Variants in CDH4 observed in about 807,000 individuals in gnomAD.
CDH4 encodes cadherin-4.
CDH4 carries 33 observed loss-of-function variants against 86.0 expected under a neutral mutation model. That is an observed-to-expected ratio of 0.38 (90% CI 0.29 to 0.51). The LOEUF is 0.51. Among genes scored for constraint, CDH4 ranks in the 20% least tolerant of loss-of-function variants. The pLI is 0.86. For missense variants in CDH4, 1,114 were observed against 1,307.4 expected, an observed-to-expected ratio of 0.85 and a Z score of 2.28; for synonymous variants, 555 against 549.4, an observed-to-expected ratio of 1.01 and a Z score of -0.14.
At chr20:61,694,803 C>T (rs2087698726) in intron 2 of CDH4, among the ~76,000 whole-genome samples, 1 of 152,204 alleles carries the variant, frequency 6.6e-6, no homozygotes, top group Admixed American at 6.5e-5. Flanking sequence ...GTTTTCTCCT[C>T]TGCACGGGAG....
chr20:61,912,913 C>T (rs993917031), intron 9 of CDH4, among the ~76,000 whole-genome samples: 6 of 152,200 alleles, frequency 3.9e-5, no homozygotes, highest in South Asian at 2.1e-4. Flanking sequence ...CAAGGTGAAT[C>T]GTCAGCTGCT....
chr20:61,254,980 CT>C, intron 2 of CDH4, 43 bp downstream of exon 2: 1 of 1,141,742 alleles, frequency 8.8e-7, no homozygotes, highest in Non-Finnish European at 1.3e-6. Flanking sequence ...TGCTGCCATG[CT>C]TTTCCTTGGG....
At chr20:61,617,893 A>G (rs1181289588) in intron 2 of CDH4, among the ~76,000 whole-genome samples, 2 of 152,196 alleles carry the variant, frequency 1.3e-5, no homozygotes, top group African/African-American at 4.8e-5. Context: ...TAATTGAATC[A>G]TGGAGGCGGT....
At chr20:61,323,423 A>G (rs1248272262) in intron 2 of CDH4, among the ~76,000 whole-genome samples, 1 of 152,192 alleles carries the variant, frequency 6.6e-6, no homozygotes, top group Non-Finnish European at 1.5e-5. Context: ...GTGCAGCCTG[A>G]TTGGAAAGTT....
At chr20:61,471,877 T>C (rs1341389305) in intron 2 of CDH4, among the ~76,000 whole-genome samples, 1 of 152,196 alleles carries the variant, frequency 6.6e-6, no homozygotes, top group Non-Finnish European at 1.5e-5. Flanking sequence ...CTTGATATTA[T>C]TTAAATTTTT....
intron 2 of CDH4, among the ~76,000 whole-genome samples, chr20:61,474,412 C>T (rs2085523622): frequency 6.6e-6 from 1 of 150,378 alleles, no homozygotes; most frequent in Non-Finnish European, 1.5e-5. Flanking sequence ...TGACCTCAGG[C>T]AATCCGCTCA....
chr20:61,581,857 G>A (rs189076271), intron 2 of CDH4, among the ~76,000 whole-genome samples: 8 of 152,264 alleles, frequency 5.3e-5, no homozygotes, highest in Admixed American at 2.6e-4. Flanking sequence ...AGGTGGAATC[G>A]GGAATGTGGC....
At chr20:61,494,801 T>C (rs1398583334) in intron 2 of CDH4, among the ~76,000 whole-genome samples, 3 of 152,270 alleles carry the variant, frequency 2.0e-5, no homozygotes, top group African/African-American at 4.8e-5. Context: ...TCTGTTTCTC[T>C]AGCTATCATT....
Position 61,807,556 on chromosome 20 carries a change from CA to C in CDH4, c.576+34375del, listed in dbSNP as rs891490537. Among the ~76,000 whole-genome samples the C allele has an allele frequency of 1.3e-5, 2 of 152,214 alleles. No individual in the cohort carries two copies. Among genetic ancestry groups the C allele is most frequent in the Non-Finnish European group, 2.9e-5 (2 of 68,030 alleles). On this transcript the variant is annotated intron_variant, in intron 4 of 15. Transcript: ENST00000614565. This position sits in a 1 kb window ranked among gnomAD's most constrained non-coding sequence, Gnocchi z 4.5. ...GTCAAGGTGCAGCTGTGTCCACCAT[CA>C]GCGAGGGGAGTGTGACCAAGGGCAG...
chr20:61,303,860 G>T (rs984814425), intron 2 of CDH4, among the ~76,000 whole-genome samples: 2 of 152,220 alleles, frequency 1.3e-5, no homozygotes, highest in African/African-American at 4.8e-5. Flanking sequence ...GCAGCAGCCT[G>T]GATCCCAGGA....
rs931547559 is a variant in CDH4 at position 61,838,522 on chromosome 20, C to T, written c.577-6146C>T. Reference sequence around the variant, plus strand: ...AGACTCAGATCCTAAAAGAAAATTGCCTCTCTCGGCCAGGCACGGTGGCTC... The same window carrying T: ...AGACTCAGATCCTAAAAGAAAATTGTCTCTCTCGGCCAGGCACGGTGGCTC... On this transcript the variant is annotated intron_variant, in intron 4 of 15. Coordinates refer to ENST00000614565, the MANE Select transcript of CDH4 (RefSeq NM_001794.5). Among the ~76,000 whole-genome samples the T allele has an allele frequency of 2.0e-5, 3 of 152,204 alleles. 1 individual carries two copies. The highest frequency in any genetic ancestry group is 2.0e-4 in the Admixed American group (3 of 15,282).
chr20:61,463,357 A>G (rs2085455344), intron 2 of CDH4, among the ~76,000 whole-genome samples: 1 of 152,230 alleles, frequency 6.6e-6, no homozygotes, highest in African/African-American at 2.4e-5. Flanking sequence ...GCAGATCTCT[A>G]CAGAGGAAGA....
At chr20:61,560,051 G>A (rs1034419921) in intron 2 of CDH4, among the ~76,000 whole-genome samples, 6 of 152,198 alleles carry the variant, frequency 3.9e-5, no homozygotes, top group South Asian at 2.1e-4. Flanking sequence ...TCCCAGCAAC[G>A]AGTGCATAGA....
chr20:61,895,919 T>C lies in CDH4; in HGVS notation c.1188+872T>C, dbSNP rs568919607. On this transcript the variant is annotated intron_variant, in intron 8 of 15. Coordinates refer to ENST00000614565, the MANE Select transcript of CDH4 (RefSeq NM_001794.5). ...CGTGGCCCAGCCCCGGGAGCCCCTCTAGAAAGGTCGAAGGCACCAGGCTGG... is the reference window on the plus strand; with the variant it reads ...CGTGGCCCAGCCCCGGGAGCCCCTCCAGAAAGGTCGAAGGCACCAGGCTGG... Among the ~76,000 whole-genome samples the C allele has an allele frequency of 1.8e-4, 27 of 152,268 alleles. No homozygotes were observed. In the East Asian group the frequency reaches 4.8e-3, roughly 27 times the overall value.
chr20:61,279,048 T>C (rs1398154795), intron 2 of CDH4, among the ~76,000 whole-genome samples: 1 of 152,192 alleles, frequency 6.6e-6, no homozygotes, highest in Non-Finnish European at 1.5e-5. Context: ...TTCTCTCTTA[T>C]TCTAAGATCC....
rs745924886 is a variant in CDH4 at position 61,805,784 on chromosome 20, A to G, written c.576+32602A>G. Among the ~76,000 whole-genome samples, 11 of 152,242 alleles carry G rather than the reference A, an allele frequency of 7.2e-5. 1 individual carries two copies. Among genetic ancestry groups the G allele is most frequent in the South Asian group, 4.1e-4 (2 of 4,830 alleles). On this transcript the variant is annotated intron_variant, in intron 4 of 15. Transcript: ENST00000614565. ...CCCTCTCACACCGGCCATCACCCCAAGATCATCCAGCCCTGTGGTGGGTGC... is the reference window on the plus strand; with the variant it reads ...CCCTCTCACACCGGCCATCACCCCAGGATCATCCAGCCCTGTGGTGGGTGC...
chr20:61,342,556 G>T (rs1236568454), intron 2 of CDH4, among the ~76,000 whole-genome samples: 1 of 152,198 alleles, frequency 6.6e-6, no homozygotes, highest in Non-Finnish European at 1.5e-5. Flanking sequence ...TGTGAGCCAG[G>T]GGGAGCAGCT....
chr20:61,734,829 C>T (rs372855046), intron 2 of CDH4, among the ~76,000 whole-genome samples: 2 of 152,356 alleles, frequency 1.3e-5, no homozygotes, highest in African/African-American at 2.4e-5. Flanking sequence ...GCACACAAAG[C>T]GCGCACAGTC....
chr20:61,461,879 C>T (rs774375614), intron 2 of CDH4, among the ~76,000 whole-genome samples: 11 of 152,102 alleles, frequency 7.2e-5, no homozygotes, highest in East Asian at 1.9e-4. Flanking sequence ...TCTGGAGTGC[C>T]GTGTGCATTC....
Sources: allele counts gnomAD v4.1 joint callset (sites outside exome capture counted in the v4.1 genomes callset), GRCh38; gene constraint gnomAD v4.1.1; non-coding constraint Gnocchi (gnomAD v3.1); transcripts MANE v1.5; gene names NCBI Gene and HGNC (gene_info 2026-07-23, HGNC 2026-07-21).